The following IFT22 variants were observed in gnomAD, a reference collection of about 807,000 sequenced individuals.
IFT22 encodes intraflagellar transport 22, also known as intraflagellar transport protein 22 homolog.
IFT22 carries 13 observed loss-of-function variants against 21.0 expected under a neutral mutation model. The observed-to-expected ratio is 0.62, with a 90% CI of 0.40 to 0.98. IFT22 has a LOEUF of 0.98. IFT22 is among the 50% of genes least tolerant of loss of function. The pLI is 0.00. For missense variants in IFT22, 227 were observed against 228.9 expected, an observed-to-expected ratio of 0.99 and a Z score of 0.06; for synonymous variants, 67 against 82.4, an observed-to-expected ratio of 0.81 and a Z score of 1.01.
At chr7:101,321,578 A>G in intron 1 of IFT22, 93 bp downstream of exon 1, 1 of 1,360,060 alleles carries the variant, frequency 7.4e-7, no homozygotes, top group Non-Finnish European at 1.0e-6. Context: ...CGCCTCCGGG[A>G]GCAAGCCGCA....
chr7:101,321,263 G>C (rs1790338723), intron 1 of IFT22, among the ~76,000 whole-genome samples: 1 of 152,210 alleles, frequency 6.6e-6, no homozygotes, highest in Non-Finnish European at 1.5e-5. Context: ...AGTCGAGGCT[G>C]CAGTGAGCTA....
rs150478481 is a variant in IFT22, at chr7:101,311,434, C to G, written c.*3700G>C. On this transcript the variant is annotated 3_prime_UTR_variant, in exon 5 of 5. Transcript: ENST00000315322. ...TTTAGTTCAGTTGACATTAATAATA[C>G]GCATGGTAATCCTAACAGGTGAATG... is the stretch of plus-strand genomic sequence containing the variant. 9.7e-4 allele frequency among the ~76,000 whole-genome samples: 148 copies of G among 152,242 alleles called. No homozygotes were observed. Among genetic ancestry groups the G allele is most frequent in the African/African-American group, 3.6e-3 (148 of 41,548 alleles).
In IFT22 at chr7:101,314,920, C is replaced by A; in HGVS notation, c.*214G>T. 1 of 531,394 alleles carries A rather than the reference C, an allele frequency of 1.9e-6. No individual in the cohort carries two copies. The highest frequency in any genetic ancestry group is 3.3e-6 in the Non-Finnish European group (1 of 306,304). The allele number at this position is 531,394 out of a possible 1,614,324, so 32.9% of individuals were successfully genotyped here. ...TGGGAAGTTCTGGGGCCAGGAAATCCAAATTTGATAATAGGATTTTCTCAA... is the reference window on the plus strand; with the variant it reads ...TGGGAAGTTCTGGGGCCAGGAAATCAAAATTTGATAATAGGATTTTCTCAA... On this transcript the variant is annotated 3_prime_UTR_variant, in exon 5 of 5. Coordinates refer to ENST00000315322, the MANE Select transcript of IFT22 (RefSeq NM_022777.4).
In IFT22 at chr7:101,321,785, T is replaced by C. The variant is rs976274065; in HGVS notation, c.-76A>G. ...AGGACGGAGCTCTACTTGGCCGCTTTCGTTTCCATGGCGACGGAGAGAGGC... is the reference window on the plus strand; with the variant it reads ...AGGACGGAGCTCTACTTGGCCGCTTCCGTTTCCATGGCGACGGAGAGAGGC... On this transcript the variant is annotated 5_prime_UTR_variant, in exon 1 of 5. Transcript: ENST00000315322. The C allele has an allele frequency of 7.0e-7, 1 of 1,420,558 alleles. No individual in the cohort carries two copies. The highest frequency in any genetic ancestry group is 9.4e-7 in the Non-Finnish European group (1 of 1,067,234). The allele number at this position is 1,420,558 out of a possible 1,614,324, so 88.0% of individuals were successfully genotyped here.
At chr7:101,318,006 G>A (rs953147980) in intron 3 of IFT22, 118 bp downstream of exon 3, 13 of 772,556 alleles carry the variant, frequency 1.7e-5, no homozygotes, top group African/African-American at 3.5e-5. Flanking sequence ...CTCCTCAGGT[G>A]AGCCACCCAC....
intron 2 of IFT22, 28 bp downstream of exon 2, chr7:101,318,926 ACT>A (rs1790246281): frequency 2.6e-6 from 4 of 1,562,928 alleles, no homozygotes; most frequent in Non-Finnish European, 3.5e-6. Flanking sequence ...CCAGTTGGAC[ACT>A]CTGGGACACA....
At chr7:101,315,696 C>CTT (rs886927854) in intron 4 of IFT22, 37 of 188,546 alleles carry the variant, frequency 2.0e-4, no homozygotes, top group East Asian at 5.2e-4. Context: ...GTATTCTGCT[C>CTT]TTTTTTTTTT....
In IFT22 at chr7:101,314,186, T is replaced by C. The variant is rs1790064526; in HGVS notation, c.*948A>G. The C allele has an allele frequency of 6.9e-6, 1 of 144,718 alleles. No homozygotes were observed. Among genetic ancestry groups the C allele is most frequent in the African/African-American group, 2.6e-5 (1 of 38,584 alleles). 9.0% of individuals were successfully genotyped at this position (144,718 alleles called of 1,614,324 possible). A position where few individuals can be genotyped will look rare whatever the true frequency, so the allele number is the denominator to read the frequency against. ...ACTCTTTTTTTTTTGAGATGGAGTCTTGCTCTGTTGCCCAAGCTGGAGTAC... is the reference window on the plus strand; with the variant it reads ...ACTCTTTTTTTTTTGAGATGGAGTCCTGCTCTGTTGCCCAAGCTGGAGTAC... On this transcript the variant is annotated 3_prime_UTR_variant, in exon 5 of 5. Coordinates refer to ENST00000315322, the MANE Select transcript of IFT22 (RefSeq NM_022777.4).
chr7:101,314,080 C>CT lies in IFT22; in HGVS notation c.*1053dup. The CT allele has an allele frequency of 6.6e-6, 1 of 152,206 alleles. No individual in the cohort carries two copies. The highest frequency in any genetic ancestry group is 2.1e-4 in the South Asian group (1 of 4,816). The allele number at this position is 152,206 out of a possible 1,614,324, so 9.4% of individuals were successfully genotyped here. On this transcript the variant is annotated 3_prime_UTR_variant, in exon 5 of 5. Transcript: ENST00000315322. Reference sequence around the variant, plus strand: ...CCATGTTGGCCAGGCTGGTCTTGAACTCCTGGCCTCAAGTGATCCGCCTGC... The same window carrying CT: ...CCATGTTGGCCAGGCTGGTCTTGAACTTCCTGGCCTCAAGTGATCCGCCTGC...
At chr7:101,315,997 C>CTTT (rs59453200) in intron 4 of IFT22, 8 of 141,922 alleles carry the variant, frequency 5.6e-5, no homozygotes, top group East Asian at 2.0e-4. Flanking sequence ...GGTCTTTTCT[C>CTTT]TTTTTTTTTT....
chr7:101,318,250 T>G, intron 2 of IFT22, 37 bp from the exon 3 acceptor site: 5 of 1,538,070 alleles, frequency 3.3e-6, no homozygotes, highest in Non-Finnish European at 4.5e-6. Context: ...CTGGGTGCAG[T>G]GGCTCACGCC....
Position 101,311,675 on chromosome 7 carries a change from T to C in IFT22, c.*3459A>G, listed in dbSNP as rs1462863251. Among the ~76,000 whole-genome samples, 1 of 152,220 alleles carries C rather than the reference T, an allele frequency of 6.6e-6. No homozygotes were observed. Among genetic ancestry groups the C allele is most frequent in the African/African-American group, 2.4e-5 (1 of 41,462 alleles). ...TTCATCTACTTAGTGTATTTTCTTA[T>C]TGGCTATGTTAAAAAATTACAAACA... On this transcript the variant is annotated 3_prime_UTR_variant, in exon 5 of 5. Coordinates refer to ENST00000315322, the MANE Select transcript of IFT22 (RefSeq NM_022777.4).
Position 101,318,152 on chromosome 7 carries a change from C to T in IFT22, c.178G>A (p.Glu60Lys), listed in dbSNP as rs568336190. ...GCATCGCCACCACAGTCCCATAGCT[C>T]GAATTCACAGCCCGTGCCTTTGTTG... Reference protein sequence around the residue: ...SNNKGTGCEFELWDCGGDAKF... With the variant: ...SNNKGTGCEFKLWDCGGDAKF... The change falls in exon 3 of 5, where the codon GAG becomes AAG. Residue 60 changes from glutamate to lysine, a missense_variant. Glu to Lys is a moderately conservative substitution (Grantham distance 56). Transcript: ENST00000315322. The T allele has an allele frequency of 8.1e-6, 13 of 1,613,416 alleles. No individual in the cohort carries two copies. Among genetic ancestry groups the T allele is most frequent in the Admixed American group, 6.7e-5 (4 of 59,976 alleles).
At chr7:101,317,998 C>T (rs915534733) in intron 3 of IFT22, 126 bp downstream of exon 3, 6 of 715,298 alleles carry the variant, frequency 8.4e-6, no homozygotes, top group African/African-American at 1.8e-5. Context: ...GAACTCTTCT[C>T]CTCAGGTGAG....
intron 1 of IFT22, 49 bp from the exon 2 acceptor site, chr7:101,319,081 A>G: frequency 6.3e-7 from 1 of 1,598,140 alleles, no homozygotes; most frequent in Non-Finnish European, 8.6e-7. Context: ...GCAGAAAAGG[A>G]AACCAAAAAA....
In IFT22 at chr7:101,314,546, G is replaced by T. The variant is rs554544418; in HGVS notation, c.*588C>A. The T allele has an allele frequency of 6.6e-6, 1 of 152,266 alleles. No individual in the cohort carries two copies. The highest frequency in any genetic ancestry group is 1.5e-5 in the Non-Finnish European group (1 of 68,052). 9.4% of individuals were successfully genotyped at this position (152,266 alleles called of 1,614,324 possible). On this transcript the variant is annotated 3_prime_UTR_variant, in exon 5 of 5. Transcript: ENST00000315322. ...TCAAGTTTCTGAATCGGCCTATTAG[G>T]TTGGTGCAAAAGTAATAGTGGCTTT...
Position 101,314,905 on chromosome 7 carries a change from TG to T in IFT22, c.*228del, listed in dbSNP as rs1562931072. The T allele has an allele frequency of 1.9e-6, 1 of 517,330 alleles. No individual in the cohort carries two copies. The highest frequency in any genetic ancestry group is 3.4e-6 in the Non-Finnish European group (1 of 293,112). 32.0% of individuals were successfully genotyped at this position (517,330 alleles called of 1,614,324 possible). The stretch of plus-strand genomic sequence containing the variant: ...CATTTTACAGGTCTTTGGGAAGTTC[TG>T]GGGCCAGGAAATCCAAATTTGATAA... On this transcript the variant is annotated 3_prime_UTR_variant, in exon 5 of 5. Transcript: ENST00000315322.
chr7:101,321,007 A>G (rs948697694), intron 1 of IFT22, among the ~76,000 whole-genome samples: 1 of 152,178 alleles, frequency 6.6e-6, no homozygotes, highest in Non-Finnish European at 1.5e-5. Flanking sequence ...GCCAGGGGTA[A>G]TGGCGTGGGC....
rs776117199 is a variant in IFT22 at position 101,312,175 on chromosome 7, G to A, written c.*2959C>T. On this transcript the variant is annotated 3_prime_UTR_variant, in exon 5 of 5. Transcript: ENST00000315322. ...TCCCACCACTTTGGGAGGCTGAGAC[G>A]GGCGGATCACTCAAGGACAGGAGTT... is the stretch of plus-strand genomic sequence containing the variant. Among the ~76,000 whole-genome samples, 21 of 152,012 alleles carry A rather than the reference G, an allele frequency of 1.4e-4. No homozygotes were observed. The highest frequency in any genetic ancestry group is 2.4e-4 in the Non-Finnish European group (16 of 68,012).
Sources: allele counts gnomAD v4.1 joint callset (sites outside exome capture counted in the v4.1 genomes callset), GRCh38; gene constraint gnomAD v4.1.1; transcripts MANE v1.5; gene names NCBI Gene and HGNC (gene_info 2026-07-23, HGNC 2026-07-21).